KIF20B: variants seen among roughly 807,000 people sequenced by gnomAD.
The protein encoded by KIF20B is kinesin family member 20B.
KIF20B carries 188 observed loss-of-function variants against 232.5 expected under a neutral mutation model. That is an observed-to-expected ratio of 0.81 (90% CI 0.72 to 0.91). The LOEUF (loss-of-function observed/expected upper bound fraction) is 0.91, where lower values mean the gene tolerates loss of function less well. KIF20B is among the 40% of genes least tolerant of loss of function. The probability of loss-of-function intolerance (pLI) is 0.00; values close to 1 mark genes in which losing one functional copy is unlikely to be tolerated. For synonymous variants in KIF20B, 712 were observed against 683.0 expected (o/e 1.04, Z -0.66); for missense variants, 2,154 against 2,055.9 (o/e 1.05, Z -0.92).
chr10:89,734,389 C>G (rs928351034), intron 19 of KIF20B, among the ~76,000 whole-genome samples: 1 of 151,966 alleles, frequency 6.6e-6, no homozygotes, highest in African/African-American at 2.4e-5. Context: ...CCAGCCAGGG[C>G]AACAAGAGTG....
chr10:89,734,350 G>T (rs1179659224), intron 19 of KIF20B, among the ~76,000 whole-genome samples: 2 of 152,158 alleles, frequency 1.3e-5, no homozygotes, highest in African/African-American at 4.8e-5. Context: ...GGCAAAGACT[G>T]CAGTGAGCCA....
rs1842405071 is a variant in KIF20B at position 89,768,366 on chromosome 10, A to G, written c.5066A>G (p.Asn1689Ser). 1 of 1,585,414 alleles carries G rather than the reference A, an allele frequency of 6.3e-7. No individual in the cohort carries two copies. Among genetic ancestry groups the G allele is most frequent in the Non-Finnish European group, 8.6e-7 (1 of 1,163,754 alleles). Residue 1689 changes from asparagine to serine, a missense_variant, in exon 30 of 33, where the codon AAT becomes AGT. Physicochemically the swap from Asn to Ser is conservative, Grantham distance 46 (BLOSUM62 1). Transcript: ENST00000371728. ...AAATTTCCTATTTCAGATGATAGAA[A>G]TTCTTCTGTCAAAAAGGAACAAAAG... is the stretch of plus-strand genomic sequence containing the variant. ...NLKFPISDDR[N>S]SSVKKEQKVA...
intron 21 of KIF20B, among the ~76,000 whole-genome samples, chr10:89,742,623 C>T (rs181153794): frequency 1.0e-4 from 15 of 150,490 alleles, no homozygotes; most frequent in Admixed American, 7.3e-4. Context: ...ATTATTGGAA[C>T]ATAAAGCTTA....
At chr10:89,757,718 A>T (rs999266748) in intron 26 of KIF20B, among the ~76,000 whole-genome samples, 1 of 150,622 alleles carries the variant, frequency 6.6e-6, no homozygotes, top group African/African-American at 2.4e-5. Context: ...TTACCAATTG[A>T]TGTGGAAATA....
chr10:89,755,061 A>G (rs929770283), intron 26 of KIF20B, among the ~76,000 whole-genome samples: 2 of 152,334 alleles, frequency 1.3e-5, no homozygotes, highest in South Asian at 4.1e-4. Context: ...GACTATATAT[A>G]TAGTAGAAAT....
intron 28 of KIF20B, among the ~76,000 whole-genome samples, chr10:89,762,318 G>C (rs1443152886): frequency 6.6e-6 from 1 of 152,152 alleles, no homozygotes; most frequent in East Asian, 1.9e-4. Context: ...GTTTGTCAAA[G>C]ATCTCAGCCT....
chr10:89,750,340 A>G (rs549203721), intron 23 of KIF20B, among the ~76,000 whole-genome samples: 1 of 152,280 alleles, frequency 6.6e-6, no homozygotes, highest in African/African-American at 2.4e-5. Flanking sequence ...TTTGAAAATC[A>G]TGCTTTTTGA....
intron 18 of KIF20B, among the ~76,000 whole-genome samples, chr10:89,731,289 G>A (rs1425502771): frequency 6.6e-6 from 1 of 152,086 alleles, no homozygotes; most frequent in African/African-American, 2.4e-5. Flanking sequence ...TAATATATTA[G>A]CAATATTTAA....
intron 29 of KIF20B, among the ~76,000 whole-genome samples, chr10:89,766,842 T>G (rs34928397): frequency 0.16 from 25,004 of 151,962 alleles, 2,677 homozygotes; most frequent in East Asian, 0.35. Flanking sequence ...ACTAGTTAAC[T>G]TTTGTTTTAT....
Position 89,718,250 on chromosome 10 carries a change from A to G in KIF20B, c.1272-460A>G, listed in dbSNP as rs562159495. ...CAGCAGTTAAAACAAACAGCCAGGC[A>G]TGGTGGCTTATGCCTGTAATCCCAG... On this transcript the variant is annotated intron_variant, in intron 11 of 32. Coordinates refer to ENST00000371728, the MANE Select transcript of KIF20B (RefSeq NM_001284259.2). Among the ~76,000 whole-genome samples the G allele has an allele frequency of 2.0e-5, 3 of 152,252 alleles. No homozygotes were observed. In the East Asian group the frequency reaches 5.8e-4, roughly 29 times the overall value.
chr10:89,751,316 A>G, intron 23 of KIF20B, 30 bp from the exon 24 acceptor site: 1 of 1,562,164 alleles, frequency 6.4e-7, no homozygotes, highest in African/African-American at 1.4e-5. Flanking sequence ...GAGGCTATTA[A>G]TTTCTAAAAT....
intron 31 of KIF20B, among the ~76,000 whole-genome samples, chr10:89,771,179 C>T (rs1368895836): frequency 6.6e-6 from 1 of 152,032 alleles, no homozygotes; most frequent in African/African-American, 2.4e-5. Flanking sequence ...TCCTTCATCA[C>T]CCTGTCACTA....
chr10:89,724,934 G>C (rs1843147064), intron 14 of KIF20B, 86 bp from the exon 15 acceptor site: 1 of 1,338,160 alleles, frequency 7.5e-7, no homozygotes, highest in African/African-American at 1.5e-5. Flanking sequence ...TTTTAATCTA[G>C]AATATACTTA....
In KIF20B at chr10:89,709,954, G is replaced by A; in HGVS notation, c.379G>A (p.Glu127Lys). 6.3e-7 allele frequency: 1 copy of A among 1,594,660 alleles called. No individual in the cohort carries two copies. Among genetic ancestry groups the A allele is most frequent in the Non-Finnish European group, 8.5e-7 (1 of 1,173,968 alleles). ...KVFGPATTQK[E>K]FFQGCIMQPV... is the part of the protein sequence containing the mutation. ...TTTTGGCCCAGCAACTACACAGAAGGAATTCTTTCAGGGTTGCATTATGCA... is the reference window on the plus strand; with the variant it reads ...TTTTGGCCCAGCAACTACACAGAAGAAATTCTTTCAGGGTTGCATTATGCA... The change falls in exon 5 of 33, where the codon GAA becomes AAA. Residue 127 changes from glutamate (E) to lysine (K), a missense_variant. Glu to Lys is a moderately conservative substitution (Grantham distance 56, BLOSUM62 1). Coordinates refer to ENST00000371728, the MANE Select transcript of KIF20B (RefSeq NM_001284259.2).
rs745587216 is a variant in KIF20B at position 89,709,209 on chromosome 10, C to T, written c.190C>T (p.Arg64Ter). Residue 64 changes from arginine to a stop codon, truncating the protein, a stop_gained, in exon 3 of 33, where the codon CGA becomes TGA. Coordinates refer to ENST00000371728, the MANE Select transcript of KIF20B (RefSeq NM_001284259.2). LOFTEE classifies it high-confidence loss of function. ...ESKDYLQVCL[R>*]IRPFTQSEKE... is the part of the protein sequence containing the mutation. ...TAAAGATTATCTCCAGGTTTGTCTTCGAATAAGACCATTTACACAGTCAGA... is the reference window on the plus strand; with the variant it reads ...TAAAGATTATCTCCAGGTTTGTCTTTGAATAAGACCATTTACACAGTCAGA... The T allele has an allele frequency of 6.2e-7, 1 of 1,610,594 alleles. No individual in the cohort carries two copies.
chr10:89,768,519 C>T (rs1842407389), intron 30 of KIF20B, 128 bp downstream of exon 30: 5 of 723,392 alleles, frequency 6.9e-6, no homozygotes, highest in Middle Eastern at 3.1e-4. Flanking sequence ...AGCATTTGGC[C>T]AGTAGCATCT....
intron 19 of KIF20B, among the ~76,000 whole-genome samples, chr10:89,735,533 G>GTTTT (rs1589865632): frequency 8.9e-6 from 1 of 112,580 alleles, no homozygotes; most frequent in Non-Finnish European, 1.8e-5. Flanking sequence ...AGTAGTAAGT[G>GTTTT]TCTTTTTTTT....
At chr10:89,742,853 C>T (rs1841832912) in intron 21 of KIF20B, among the ~76,000 whole-genome samples, 1 of 152,016 alleles carries the variant, frequency 6.6e-6, no homozygotes, top group East Asian at 1.9e-4. Context: ...GCACGTGCCA[C>T]CATGCCCGGC....
intron 8 of KIF20B, 72 bp from the exon 9 acceptor site, chr10:89,716,364 T>C (rs1223088058): frequency 1.5e-6 from 1 of 672,630 alleles, no homozygotes. Context: ...GAAAAGACTT[T>C]CAAAGAGATT....
Sources: allele counts gnomAD v4.1 joint callset (sites outside exome capture counted in the v4.1 genomes callset), GRCh38; gene constraint gnomAD v4.1.1; transcripts MANE v1.5; gene names NCBI Gene and HGNC (gene_info 2026-07-23, HGNC 2026-07-21).